The following MYH15 variants were observed in gnomAD, a reference collection of about 807,000 sequenced individuals.
MYH15 encodes myosin heavy chain 15.
In MYH15, 227 loss-of-function variants were observed where a neutral mutation model predicts 240.5. That is an observed-to-expected ratio of 0.94 (90% CI 0.85 to 1.05). MYH15 has a LOEUF of 1.05. Ranked by LOEUF, MYH15 falls within the 50% of genes least tolerant of loss-of-function variation. The pLI, the probability that MYH15 is intolerant of heterozygous loss-of-function variation, is 0.00. For missense variants in MYH15, 2,217 were observed against 2,247.5 expected (o/e 0.99, Z 0.27); for synonymous variants, 785 against 796.7 (o/e 0.99, Z 0.25).
chr3:108,483,985 G>A (rs1052304507), intron 11 of MYH15, among the ~76,000 whole-genome samples: 1 of 152,150 alleles, frequency 6.6e-6, no homozygotes, highest in Non-Finnish European at 1.5e-5. Context: ...TGATGAAAAA[G>A]TTCTGGCAGT....
At chr3:108,421,325 A>G (rs1441120097) in intron 27 of MYH15, 111 bp from the exon 28 acceptor site, 7 of 1,254,396 alleles carry the variant, frequency 5.6e-6, no homozygotes, top group Non-Finnish European at 7.7e-6. Flanking sequence ...TCTCTTCTGT[A>G]GTAAAGAGCT....
chr3:108,469,205 C>T (rs1220085394), intron 14 of MYH15, among the ~76,000 whole-genome samples: 1 of 152,112 alleles, frequency 6.6e-6, no homozygotes, highest in Admixed American at 6.5e-5. Flanking sequence ...GGTCAGTTGC[C>T]CTAGCTCCTT....
At chr3:108,437,468 G>C (rs185525350) in intron 25 of MYH15, 86 bp downstream of exon 25, 13 of 1,483,332 alleles carry the variant, frequency 8.8e-6, no homozygotes, top group Non-Finnish European at 1.1e-5. Flanking sequence ...TCTGGCCCTG[G>C]AGTCCTAAGG....
At chr3:108,427,617 A>AACAC (rs150751928) in intron 27 of MYH15, among the ~76,000 whole-genome samples, 2,341 of 122,888 alleles carry the variant, frequency 0.019, 42 homozygotes, top group African/African-American at 0.057. Context: ...ACACACACAC[A>AACAC]ACACACACAC....
intron 25 of MYH15, among the ~76,000 whole-genome samples, chr3:108,436,743 T>C (rs949402771): frequency 6.6e-6 from 1 of 152,198 alleles, no homozygotes; most frequent in Admixed American, 6.5e-5. Context: ...TTCACCATGT[T>C]GCCCAGGATG....
At chr3:108,520,836 C>T (rs1167328520) in intron 1 of MYH15, among the ~76,000 whole-genome samples, 3 of 151,976 alleles carry the variant, frequency 2.0e-5, no homozygotes, top group African/African-American at 7.3e-5. Context: ...TTTATTTAGG[C>T]TATTCTGAGA....
At chr3:108,458,504 A>G (rs893786539) in intron 18 of MYH15, among the ~76,000 whole-genome samples, 1 of 152,176 alleles carries the variant, frequency 6.6e-6, no homozygotes, top group Non-Finnish European at 1.5e-5. Flanking sequence ...GTTAATAAAA[A>G]TGCAAGCTAC....
At chr3:108,516,038 A>G (rs1050572245) in intron 1 of MYH15, among the ~76,000 whole-genome samples, 4 of 152,192 alleles carry the variant, frequency 2.6e-5, no homozygotes, top group African/African-American at 9.6e-5. Flanking sequence ...TATGGGGATG[A>G]GGGGGTGCAG....
Position 108,451,432 on chromosome 3 carries a change from T to C in MYH15, c.2399+2574A>G, listed in dbSNP as rs539477226. 1.3e-4 allele frequency among the ~76,000 whole-genome samples: 20 copies of C among 152,204 alleles called. No homozygotes were observed. The South Asian group carries it at 4.1e-3, about 32-fold the overall frequency. Reference sequence around the variant, plus strand: ...ATAAAAATTGATCAAATTGAAAAATTCAAAAGAAATGTAAAATTTTTTTAA... The same window carrying C: ...ATAAAAATTGATCAAATTGAAAAATCCAAAAGAAATGTAAAATTTTTTTAA... On this transcript the variant is annotated intron_variant, in intron 21 of 40. Transcript: ENST00000693548.
At chr3:108,547,193 G>C in the MYH15 span, among the ~76,000 whole-genome samples, 1 of 152,014 alleles carries the variant, frequency 6.6e-6, no homozygotes, top group East Asian at 1.9e-4. Flanking sequence ...TTGTGGAGAC[G>C]TGTGTCACTT....
intron 38 of MYH15, among the ~76,000 whole-genome samples, chr3:108,387,731 A>G (rs2082394693): frequency 6.6e-6 from 1 of 152,190 alleles, no homozygotes; most frequent in Admixed American, 6.5e-5. Flanking sequence ...CTACTTAGCC[A>G]CACATACCAT....
chr3:108,544,088 G>A, the MYH15 span, among the ~76,000 whole-genome samples: 1 of 152,170 alleles, frequency 6.6e-6, no homozygotes, highest in African/African-American at 2.4e-5. Flanking sequence ...CAATTCTCTG[G>A]TGGATCTAAA....
chr3:108,497,049 T>C (rs1193971768), intron 6 of MYH15, among the ~76,000 whole-genome samples: 1 of 149,858 alleles, frequency 6.7e-6, no homozygotes, highest in Admixed American at 6.7e-5. Context: ...TAGTCCCAGC[T>C]GCTCAGAAGG....
the MYH15 span, among the ~76,000 whole-genome samples, chr3:108,536,320 A>G: frequency 5.2e-3 from 793 of 152,248 alleles, 7 homozygotes; most frequent in Middle Eastern, 0.02. Context: ...AGAAAGGAGG[A>G]GGAAAAGGGG....
intron 1 of MYH15, 93 bp downstream of exon 1, chr3:108,510,350 A>G (rs1364064286): frequency 3.3e-6 from 5 of 1,496,206 alleles, no homozygotes; most frequent in Non-Finnish European, 4.5e-6. Context: ...GTTAGGCTCT[A>G]GAACTGATGG....
the MYH15 span, among the ~76,000 whole-genome samples, chr3:108,544,238 T>C: frequency 6.6e-6 from 1 of 152,150 alleles, no homozygotes; most frequent in African/African-American, 2.4e-5. Context: ...TATCTCTTAC[T>C]CTCCTCTGGC....
rs1034002610 is a variant in MYH15, at chr3:108,492,696, C to T, written c.776-101G>A. ...GCGCAGTGGCTCACAACTGTAATCC[C>T]AGCATTTTGGGAGGCCAAGGCAGGA... On this transcript the variant is annotated intron_variant, in intron 8 of 40. Transcript: ENST00000693548. 3 of 820,432 alleles carry T rather than the reference C, an allele frequency of 3.7e-6. No homozygotes were observed. The African/African-American group carries it at 5.1e-5, about 14-fold the overall frequency. 50.8% of individuals were successfully genotyped at this position (820,432 alleles called of 1,614,324 possible).
chr3:108,437,786 A>AAAAG (rs34004066), intron 24 of MYH15, 87 bp from the exon 25 acceptor site: 1,105,286 of 1,291,034 alleles, frequency 0.86, 476,956 homozygotes, highest in African/African-American at 0.93. Flanking sequence ...ACCTTCTGGA[A>AAAAG]AAAGAAAGAC....
At chr3:108,426,877 C>G (rs191141307) in intron 27 of MYH15, among the ~76,000 whole-genome samples, 1 of 152,330 alleles carries the variant, frequency 6.6e-6, no homozygotes, top group African/African-American at 2.4e-5. Flanking sequence ...TCCAGAAGGT[C>G]AGACATGGAG....
Sources: gnomAD v4.1 joint callset for allele counts (sites outside exome capture counted in the v4.1 genomes callset) on GRCh38, gnomAD v4.1.1 for gene constraint, MANE v1.5 for transcripts, NCBI Gene and HGNC (gene_info 2026-07-23, HGNC 2026-07-21) for gene names.